Variants in VWA8 observed in about 807,000 individuals in gnomAD.
VWA8 encodes the protein von Willebrand factor A domain containing 8.
A neutral mutation model predicts 241.5 loss-of-function variants in VWA8; 221 were observed. The observed-to-expected ratio is 0.91, with a 90% CI of 0.82 to 1.02. VWA8 has a LOEUF of 1.02. Ranked by LOEUF, VWA8 falls within the 50% of genes least tolerant of loss-of-function variation. VWA8 has a pLI of 0.00. For missense variants in VWA8, 2,322 were observed against 2,328.7 expected (o/e 1.00, Z 0.06); for synonymous variants, 852 against 827.1 (o/e 1.03, Z -0.52).
intron 20 of VWA8, among the ~76,000 whole-genome samples, chr13:41,767,403 T>C (rs2045786233): frequency 6.6e-6 from 1 of 152,196 alleles, no homozygotes; most frequent in Non-Finnish European, 1.5e-5. Flanking sequence ...GATTTGCTCA[T>C]TTGAATAGAG....
At chr13:41,805,240 A>G (rs1870130853) in intron 17 of VWA8, among the ~76,000 whole-genome samples, 2 of 152,202 alleles carry the variant, frequency 1.3e-5, no homozygotes, top group African/African-American at 2.4e-5. Context: ...AATGAAACAA[A>G]CAAACAAAAG....
At chr13:41,620,288 T>C (rs760414870) in intron 37 of VWA8, among the ~76,000 whole-genome samples, 41 of 152,196 alleles carry the variant, frequency 2.7e-4, no homozygotes, top group Non-Finnish European at 4.9e-4. Flanking sequence ...TGATGGTAGT[T>C]TGTATTTCTG....
chr13:41,577,094 G>T (rs578218590), intron 42 of VWA8, among the ~76,000 whole-genome samples: 5 of 152,226 alleles, frequency 3.3e-5, no homozygotes, highest in Admixed American at 6.5e-5. Context: ...CAGGCTTGGG[G>T]TCATTTGATG....
At chr13:41,820,839 G>A (rs1307750004) in intron 14 of VWA8, among the ~76,000 whole-genome samples, 1 of 152,192 alleles carries the variant, frequency 6.6e-6, no homozygotes, top group East Asian at 1.9e-4. Flanking sequence ...CTTCTGCTAA[G>A]TGGTTTGCTA....
intron 20 of VWA8, among the ~76,000 whole-genome samples, chr13:41,774,799 CTATT>C (rs1868514582): frequency 6.6e-6 from 1 of 152,174 alleles, no homozygotes; most frequent in African/African-American, 2.4e-5. Flanking sequence ...GAAGGAATAA[CTATT>C]TACTCAGTAT....
chr13:41,660,243 G>A (rs981858990), intron 37 of VWA8, among the ~76,000 whole-genome samples: 4 of 152,120 alleles, frequency 2.6e-5, no homozygotes, highest in Non-Finnish European at 5.9e-5. Context: ...AGCCTCCTGA[G>A]TAGCTGGAAT....
At chr13:41,907,263 C>A (rs1875764249) in intron 4 of VWA8, among the ~76,000 whole-genome samples, 2 of 152,278 alleles carry the variant, frequency 1.3e-5, no homozygotes, top group South Asian at 4.1e-4. Context: ...AGAGAATCTC[C>A]TATATCAAAT....
At chr13:41,866,346 C>CT (rs1324049157) in intron 10 of VWA8, among the ~76,000 whole-genome samples, 113 of 147,820 alleles carry the variant, frequency 7.6e-4, no homozygotes, top group African/African-American at 2.6e-3. Flanking sequence ...GAGACTCTGT[C>CT]CCAAAAAAAA....
intron 40 of VWA8, 95 bp downstream of exon 40, chr13:41,605,073 G>A (rs762621052): frequency 1.2e-5 from 14 of 1,201,474 alleles, no homozygotes; most frequent in Non-Finnish European, 1.6e-5. Flanking sequence ...TTTTCGGACT[G>A]GCTAATTAGG....
chr13:41,886,716 C>T (rs973964622), intron 7 of VWA8, 65 bp downstream of exon 7: 7 of 1,287,902 alleles, frequency 5.4e-6, no homozygotes, highest in Non-Finnish European at 4.4e-6. Flanking sequence ...ATTAATCAAT[C>T]AATCAATGAA....
intron 2 of VWA8, among the ~76,000 whole-genome samples, chr13:41,927,746 G>A (rs1296043664): frequency 6.6e-6 from 1 of 152,110 alleles, no homozygotes; most frequent in Non-Finnish European, 1.5e-5. Context: ...AATGGAAACA[G>A]TGAGTCCTTA....
rs1188222862 is a variant in VWA8 at position 41,797,194 on chromosome 13, G to GCA, written c.2064-9652_2064-9651insTG. Among the ~76,000 whole-genome samples, 427 of 110,128 alleles carry GCA rather than the reference G, an allele frequency of 3.9e-3. 4 individuals carry two copies. Among genetic ancestry groups the GCA allele is most frequent in the Middle Eastern group, 9.8e-3 (2 of 204 alleles). 72.2% of individuals were successfully genotyped at this position (110,128 alleles called of 152,430 possible). Reference sequence around the variant, plus strand: ...TACAGGCACGTGCCACCACACCCAAGTATTTTTTTTTTTTTTTTGGTATTT... The same window carrying GCA: ...TACAGGCACGTGCCACCACACCCAAGCATATTTTTTTTTTTTTTTTGGTATTT... On this transcript the variant is annotated intron_variant, in intron 17 of 44. Coordinates refer to ENST00000379310, the MANE Select transcript of VWA8 (RefSeq NM_015058.2).
At chr13:41,913,908 G>A (rs918028261) in intron 2 of VWA8, among the ~76,000 whole-genome samples, 2 of 152,194 alleles carry the variant, frequency 1.3e-5, no homozygotes, top group African/African-American at 4.8e-5. Flanking sequence ...GTTGGTTCCT[G>A]GAAGGGGGAC....
At chr13:41,727,856 A>C (rs572383590) in intron 23 of VWA8, among the ~76,000 whole-genome samples, 1 of 152,238 alleles carries the variant, frequency 6.6e-6, no homozygotes, top group Admixed American at 6.5e-5. Context: ...TACAATGTTG[A>C]TTTATTTCCA....
chr13:41,784,751 TATATATATATAC>T (rs1417656010), intron 18 of VWA8, among the ~76,000 whole-genome samples: 9 of 111,394 alleles, frequency 8.1e-5, no homozygotes, highest in South Asian at 3.2e-4. Context: ...TATATATATA[TATATATATATAC>T]ACACACACAC....
intron 2 of VWA8, among the ~76,000 whole-genome samples, chr13:41,915,022 GA>G (rs1210469478): frequency 6.6e-6 from 1 of 152,162 alleles, no homozygotes; most frequent in Non-Finnish European, 1.5e-5. Context: ...AATCAAATGT[GA>G]GGCCTGCCCC....
At chr13:41,605,597 A>G (rs1054020254) in intron 39 of VWA8, among the ~76,000 whole-genome samples, 1 of 152,150 alleles carries the variant, frequency 6.6e-6, no homozygotes, top group Non-Finnish European at 1.5e-5. Flanking sequence ...AAATGTGCAC[A>G]ATTGACTCTC....
At chr13:41,883,355 A>C in intron 9 of VWA8, 32 bp downstream of exon 9, 1 of 1,556,156 alleles carries the variant, frequency 6.4e-7, no homozygotes, top group Non-Finnish European at 8.9e-7. Context: ...AAAATGGGAA[A>C]AGAAAGGAAA....
At chr13:41,924,766 T>C (rs1876749078) in intron 2 of VWA8, among the ~76,000 whole-genome samples, 1 of 152,136 alleles carries the variant, frequency 6.6e-6, no homozygotes, top group Non-Finnish European at 1.5e-5. Context: ...TTTCTTTTTT[T>C]TTTTTTTAAT....
Sources: allele counts gnomAD v4.1 joint callset (sites outside exome capture counted in the v4.1 genomes callset), GRCh38; gene constraint gnomAD v4.1.1; transcripts MANE v1.5; gene names NCBI Gene and HGNC (gene_info 2026-07-23, HGNC 2026-07-21).